The following CLEC4C variants were observed in gnomAD, a reference collection of about 807,000 sequenced individuals.
The protein encoded by CLEC4C is C-type (calcium dependent, carbohydrate-recognition domain) lectin, superfamily member 11.
In CLEC4C, 17 loss-of-function variants were observed where a neutral mutation model predicts 27.7. The ratio of observed to expected loss-of-function variants is 0.61; its 90% CI spans 0.42 to 0.92. The LOEUF (loss-of-function observed/expected upper bound fraction) is 0.92, where lower values mean the gene tolerates loss of function less well. CLEC4C is among the 40% of genes least tolerant of loss of function. The pLI is 0.00. For missense variants in CLEC4C, 244 were observed against 257.3 expected, an observed-to-expected ratio of 0.95 and a Z score of 0.35; for synonymous variants, 80 against 80.8, an observed-to-expected ratio of 0.99 and a Z score of 0.06.
upstream of CLEC4C, among the ~76,000 whole-genome samples, chr12:7,748,381 C>A (rs150309865): frequency 7.8e-3 from 1,191 of 152,180 alleles, 21 homozygotes; most frequent in African/African-American, 0.026. Flanking sequence ...CAAAAATTAG[C>A]CAGGTGTGGT....
At chr12:7,743,209 A>G (rs1056764772) in intron 2 of CLEC4C, among the ~76,000 whole-genome samples, 1 of 152,092 alleles carries the variant, frequency 6.6e-6, no homozygotes. Context: ...TGGTTTTTCC[A>G]TAGTTTTCTG....
chr12:7,734,639 C>T (rs1196945583), intron 4 of CLEC4C, among the ~76,000 whole-genome samples: 1 of 151,820 alleles, frequency 6.6e-6, no homozygotes, highest in East Asian at 1.9e-4. Context: ...ACCTCTGCCC[C>T]CTGGGTTCAA....
At position 7,741,547 on chromosome 12, in the gene CLEC4C, C is replaced by A. The variant is rs751714344; in HGVS notation, c.125-16G>T. On this transcript the variant is annotated splice_polypyrimidine_tract_variant and intron_variant, in intron 2 of 5. Coordinates refer to ENST00000360345, the MANE Select transcript of CLEC4C (RefSeq NM_001371390.1). ...TTGTGAGGCACTGGGAAAGAGAAAT[C>A]GGAGTTAGTTCTCATTCTTTTAAGT... The A allele has an allele frequency of 2.2e-6, 3 of 1,350,160 alleles. No homozygotes were observed. The highest frequency in any genetic ancestry group is 3.4e-5 in the Admixed American group (2 of 59,638). 83.6% of individuals were successfully genotyped at this position (1,350,160 alleles called of 1,614,324 possible).
In CLEC4C at chr12:7,729,667, A is replaced by G. The variant is rs111948264; in HGVS notation, c.571T>C (p.Trp191Arg). Reference sequence around the variant, plus strand: ...TGACAGTGAATGTCATTCCAGCCCCATTCTTCTGAAGAACGGAAATTTATT... The same window carrying G: ...TGACAGTGAATGTCATTCCAGCCCCGTTCTTCTGAAGAACGGAAATTTATT... The part of the protein sequence containing the change: ...AIINFRSSEE[W>R]GWNDIHCHVP... Residue 191 changes from tryptophan to arginine, a missense_variant, in exon 6 of 6, where the codon TGG becomes CGG. Transcript: ENST00000360345. 3.7e-6 allele frequency: 6 copies of G among 1,613,664 alleles called. No individual in the cohort carries two copies. In the South Asian group the frequency reaches 5.5e-5, roughly 15 times the overall value.
intron 2 of CLEC4C, among the ~76,000 whole-genome samples, chr12:7,743,512 G>A (rs1348818045): frequency 1.3e-5 from 2 of 151,720 alleles, no homozygotes; most frequent in Non-Finnish European, 2.9e-5. Flanking sequence ...AGCCTCCTGA[G>A]TAGCTGGCAC....
intron 2 of CLEC4C, among the ~76,000 whole-genome samples, chr12:7,745,884 C>T (rs1864962156): frequency 6.6e-6 from 1 of 152,020 alleles, no homozygotes. Context: ...TTATTAGAAA[C>T]ATAGCCTTCT....
intron 4 of CLEC4C, among the ~76,000 whole-genome samples, chr12:7,731,638 C>A (rs1864597630): frequency 6.6e-6 from 1 of 152,166 alleles, no homozygotes. Context: ...CTGAGCAGGG[C>A]TGGATCAAAG....
intron 2 of CLEC4C, among the ~76,000 whole-genome samples, chr12:7,745,226 G>C (rs2081843315): frequency 6.6e-6 from 1 of 151,882 alleles, no homozygotes; most frequent in South Asian, 2.1e-4. Flanking sequence ...CTCATGGTGA[G>C]ATGAATGCTC....
intron 2 of CLEC4C, among the ~76,000 whole-genome samples, chr12:7,745,424 CTTTTTTTTTT>C (rs140956970): frequency 1.6e-3 from 77 of 48,196 alleles, no homozygotes; most frequent in African/African-American, 6.5e-3. Context: ...TCAGTCTATG[CTTTTTTTTTT>C]TTTTTTTTTT....
chr12:7,746,771 C>A lies in CLEC4C; in HGVS notation c.32-348G>T, dbSNP rs1015372595. Among the ~76,000 whole-genome samples, 3 of 152,354 alleles carry A rather than the reference C, an allele frequency of 2.0e-5. No homozygotes were observed. The South Asian group carries it at 6.2e-4, about 32-fold the overall frequency. On this transcript the variant is annotated intron_variant, in intron 1 of 5. Transcript: ENST00000360345. Reference sequence around the variant, plus strand: ...AGCTGGGACTTTAGGCATTTGCCTGCATGCCTGGCCAAATTCATATTCCTT... The same window carrying A: ...AGCTGGGACTTTAGGCATTTGCCTGAATGCCTGGCCAAATTCATATTCCTT...
intron 2 of CLEC4C, among the ~76,000 whole-genome samples, chr12:7,745,181 GA>G (rs1266352550): frequency 1.3e-5 from 2 of 152,016 alleles, no homozygotes; most frequent in African/African-American, 2.4e-5. Context: ...GCTTTGGGAG[GA>G]AATCAGGTTT....
chr12:7,741,866 C>G (rs1864863761), intron 2 of CLEC4C, among the ~76,000 whole-genome samples: 1 of 152,012 alleles, frequency 6.6e-6, no homozygotes, highest in South Asian at 2.1e-4. Context: ...ACTAAAAATA[C>G]AAAAATTAGC....
chr12:7,729,558 A>T lies in CLEC4C; in HGVS notation c.*38T>A. Reference sequence around the variant, plus strand: ...TCAATTTAGCTTTCTACAACGGTGGATGCCAACCCAAACACATTTCCAGGG... The same window carrying T: ...TCAATTTAGCTTTCTACAACGGTGGTTGCCAACCCAAACACATTTCCAGGG... On this transcript the variant is annotated 3_prime_UTR_variant, in exon 6 of 6. Transcript: ENST00000360345. 6.3e-7 allele frequency: 1 copy of T among 1,597,500 alleles called. No individual in the cohort carries two copies. Among genetic ancestry groups the T allele is most frequent in the Non-Finnish European group, 8.6e-7 (1 of 1,168,986 alleles).
chr12:7,742,513 A>G (rs1864879755), intron 2 of CLEC4C, among the ~76,000 whole-genome samples: 1 of 91,926 alleles, frequency 1.1e-5, no homozygotes, highest in African/African-American at 2.9e-5. Context: ...TTTGTCTCGA[A>G]AAAAAAAAAA....
chr12:7,738,555 G>A (rs1864780144), intron 3 of CLEC4C, among the ~76,000 whole-genome samples: 1 of 152,178 alleles, frequency 6.6e-6, no homozygotes, highest in Non-Finnish European at 1.5e-5. Flanking sequence ...AAGCTGGAGT[G>A]CAGTGGCATA....
chr12:7,734,547 C>T (rs1864675868), intron 4 of CLEC4C, among the ~76,000 whole-genome samples: 2 of 126,832 alleles, frequency 1.6e-5, no homozygotes, highest in South Asian at 6.1e-4. Flanking sequence ...TATCTGAGGC[C>T]TCCAATTTTT....
At chr12:7,745,710 G>A (rs1864959309) in intron 2 of CLEC4C, among the ~76,000 whole-genome samples, 1 of 151,656 alleles carries the variant, frequency 6.6e-6, no homozygotes, top group African/African-American at 2.4e-5. Context: ...TGGGATTACA[G>A]GCATGAGCTA....
chr12:7,731,051 A>C, intron 4 of CLEC4C, 139 bp from the exon 5 acceptor site: 1 of 514,312 alleles, frequency 1.9e-6, no homozygotes, highest in South Asian at 2.0e-5. Flanking sequence ...AACTACAAGC[A>C]GACAGAAAGA....
chr12:7,741,476 C>G lies in CLEC4C; in HGVS notation c.180G>C (p.Glu60Asp). The G allele has an allele frequency of 6.2e-7, 1 of 1,613,046 alleles. No individual in the cohort carries two copies. Among genetic ancestry groups the G allele is most frequent in the Non-Finnish European group, 8.5e-7 (1 of 1,178,980 alleles). ...TCAGGCTTGGATGATACTGTTGATA[C>G]TCTCGTAACTTGGACAGCCTCTTGA... ...KTVKRLSKLR[E>D]YQQYHPSLTC... The change falls in exon 3 of 6, where the codon GAG becomes GAC. Residue 60 changes from glutamate (E) to aspartate (D), a missense_variant. Coordinates refer to ENST00000360345, the MANE Select transcript of CLEC4C (RefSeq NM_001371390.1).
Sources: gnomAD v4.1 joint callset for allele counts (sites outside exome capture counted in the v4.1 genomes callset) on GRCh38, gnomAD v4.1.1 for gene constraint, MANE v1.5 for transcripts, NCBI Gene and HGNC (gene_info 2026-07-23, HGNC 2026-07-21) for gene names.